MYB: variants seen among roughly 807,000 people sequenced by gnomAD.
The protein encoded by MYB is transcriptional activator Myb.
A neutral mutation model predicts 92.9 loss-of-function variants in MYB; 28 were observed. The observed-to-expected ratio is 0.30, with a 90% CI of 0.22 to 0.41. The LOEUF (loss-of-function observed/expected upper bound fraction) is 0.41. Ranked by LOEUF, MYB falls within the 10% of genes least tolerant of loss-of-function variation. The probability of loss-of-function intolerance (pLI) is 1.00; values close to 1 mark genes in which losing one functional copy is unlikely to be tolerated. For synonymous variants in MYB, 295 were observed against 329.1 expected, an observed-to-expected ratio of 0.90 and a Z score of 1.12; for missense variants, 679 against 929.3, an observed-to-expected ratio of 0.73 and a Z score of 3.50.
chr6:135,208,940 A>G (rs573235634), intron 15 of MYB, among the ~76,000 whole-genome samples: 68 of 152,338 alleles, frequency 4.5e-4, no homozygotes, highest in African/African-American at 1.6e-3. Context: ...AGTGCTGTCT[A>G]ATAGAACTTC....
Position 135,219,012 on chromosome 6 carries a change from C to A in MYB, c.*1032C>A, listed in dbSNP as rs1178303207. On this transcript the variant is annotated 3_prime_UTR_variant, in exon 16 of 16. Transcript: ENST00000341911. The stretch of plus-strand genomic sequence containing the variant: ...TAAGTGTATGGTCTCAGAACTGTTG[C>A]ATGGATCCTGTGTTTGCAACTGGGG... The A allele has an allele frequency of 4.5e-6, 1 of 224,670 alleles. No individual in the cohort carries two copies. The highest frequency in any genetic ancestry group is 8.9e-6 in the Non-Finnish European group (1 of 112,360). 13.9% of individuals were successfully genotyped at this position (224,670 alleles called of 1,614,324 possible). A position where few individuals can be genotyped will look rare whatever the true frequency, so the allele number is the denominator to read the frequency against.
chr6:135,198,063 G>T (rs1777572722), intron 10 of MYB, among the ~76,000 whole-genome samples: 4 of 152,042 alleles, frequency 2.6e-5, no homozygotes. Context: ...TTTTCCAATT[G>T]TATCTGTTGA....
intron 5 of MYB, among the ~76,000 whole-genome samples, chr6:135,192,081 G>A (rs1776705867): frequency 6.6e-6 from 1 of 152,198 alleles, no homozygotes; most frequent in Non-Finnish European, 1.5e-5. Context: ...AAATGGAATG[G>A]TTAAAAGATA....
intron 15 of MYB, among the ~76,000 whole-genome samples, chr6:135,215,247 A>G (rs1562402245): frequency 6.6e-6 from 1 of 152,188 alleles, no homozygotes; most frequent in Non-Finnish European, 1.5e-5. Flanking sequence ...TAGTAGAATT[A>G]TGTTTCTTTG....
In MYB at chr6:135,181,529, C is replaced by T; in HGVS notation, c.16C>T (p.Arg6Trp). The change falls in exon 1 of 16, where the codon CGG (arginine) becomes TGG (tryptophan). Residue 6 changes from arginine (R) to tryptophan (W), a missense_variant. Physicochemically the swap from Arg to Trp is moderately radical, Grantham distance 101 (BLOSUM62 -3). Around this residue, in one of 8 missense-constraint regions of MYB, gnomAD observed 88 missense variants for 145.6 expected, o/e 0.60. Coordinates refer to ENST00000341911, the MANE Select transcript of MYB (RefSeq NM_001130173.2). This position sits in a 1 kb window ranked among gnomAD's most constrained non-coding sequence, Gnocchi z 5.3. MARRP[R>W]HSIYSSDEDD... ...CCGCCGCGCCATGGCCCGAAGACCC[C>T]GGCACAGGTAACGGGGAGCCGGGCG... 8.6e-7 allele frequency: 1 copy of T among 1,163,666 alleles called. No individual in the cohort carries two copies. Among genetic ancestry groups the T allele is most frequent in the Non-Finnish European group, 1.1e-6 (1 of 944,270 alleles). The allele number at this position is 1,163,666 out of a possible 1,614,324, so 72.1% of individuals were successfully genotyped here. A position where few individuals can be genotyped will look rare whatever the true frequency, so the allele number is the denominator to read the frequency against.
intron 6 of MYB, 116 bp from the exon 7 acceptor site, chr6:135,193,722 T>C (rs1776923537): frequency 1.5e-6 from 1 of 645,514 alleles, no homozygotes; most frequent in Non-Finnish European, 2.7e-6. Flanking sequence ...TTAGTGTATT[T>C]TATCAGTAAA....
chr6:135,202,227 T>A (rs1186516292), intron 14 of MYB, among the ~76,000 whole-genome samples: 1 of 152,238 alleles, frequency 6.6e-6, no homozygotes, highest in African/African-American at 2.4e-5. Flanking sequence ...GTTGTCCTTA[T>A]GTCTTAAGGA....
chr6:135,201,704 G>C lies in MYB; in HGVS notation c.2016G>C (p.Leu672=). 1 of 1,580,118 alleles carries C rather than the reference G, an allele frequency of 6.3e-7. No homozygotes were observed. The change falls in exon 14 of 16, where the codon CTG becomes CTC. Residue 672 remains leucine (L), a synonymous_variant. Transcript: ENST00000341911. ...CACACCACTGGGAAGGGGACAGTCT[G>C]AATACCCAACTGTTCACGCAGACCT... The part of the protein sequence containing the change: ...FCSHHWEGDS[L]NTQLFTQTSP...
At chr6:135,195,289 T>G (rs1185955531) in intron 8 of MYB, 1 of 312,594 alleles carries the variant, frequency 3.2e-6, no homozygotes, top group Non-Finnish European at 6.1e-6. Context: ...GTGCAATCTG[T>G]AGCATTAGAA....
chr6:135,204,412 C>G (rs1187155630), intron 15 of MYB, among the ~76,000 whole-genome samples: 1 of 152,106 alleles, frequency 6.6e-6, no homozygotes, highest in Non-Finnish European at 1.5e-5. Flanking sequence ...GATTCTTATG[C>G]CTCAGCCTCC....
chr6:135,192,629 T>G, intron 6 of MYB, 71 bp downstream of exon 6: 2 of 1,435,218 alleles, frequency 1.4e-6, no homozygotes, highest in Non-Finnish European at 2.0e-6. Context: ...AATCATACTT[T>G]GCAGTTGTAT....
Position 135,200,169 on chromosome 6 carries a change from A to G in MYB, c.1794A>G (p.Gln598=), listed in dbSNP as rs760694471. Residue 598 remains glutamine (Q), a synonymous_variant, in exon 12 of 16, where the codon CAA becomes CAG. Transcript: ENST00000341911. ...CATTCAAACATGCACTTGCAGCTCA[A>G]GAAATTAAATACGGTCCCCTGAAGA... ...PTPFKHALAA[Q]EIKYGPLKML... The G allele has an allele frequency of 3.7e-6, 6 of 1,614,114 alleles. No individual in the cohort carries two copies. Among genetic ancestry groups the G allele is most frequent in the Non-Finnish European group, 5.1e-6 (6 of 1,180,046 alleles).
intron 5 of MYB, among the ~76,000 whole-genome samples, chr6:135,191,007 C>T (rs1776554493): frequency 6.6e-6 from 1 of 152,150 alleles, no homozygotes; most frequent in South Asian, 2.1e-4. Context: ...CTATGTTACC[C>T]AGGCTGGTAT....
At position 135,218,884 on chromosome 6, in the gene MYB, T is replaced by A. The variant is rs1351014737; in HGVS notation, c.*904T>A. 1 of 229,080 alleles carries A rather than the reference T, an allele frequency of 4.4e-6. No individual in the cohort carries two copies. Among genetic ancestry groups the A allele is most frequent in the Admixed American group, 5.7e-5 (1 of 17,614 alleles). 14.2% of individuals were successfully genotyped at this position (229,080 alleles called of 1,614,324 possible). On this transcript the variant is annotated 3_prime_UTR_variant, in exon 16 of 16. Coordinates refer to ENST00000341911, the MANE Select transcript of MYB (RefSeq NM_001130173.2). ...TACAAGCATGCGTTGCACTTCTTTT[T>A]TGGGAGATGTGTGTTGTTGATGTTC...
intron 8 of MYB, chr6:135,194,876 T>C (rs1234752704): frequency 8.7e-7 from 1 of 1,150,900 alleles, no homozygotes; most frequent in Non-Finnish European, 1.1e-6. Flanking sequence ...TTGATGCATG[T>C]TCAGTATATA....
intron 8 of MYB, chr6:135,194,961 TATGTGGGCCA>T (rs1777106814): frequency 7.5e-7 from 1 of 1,334,498 alleles, no homozygotes; most frequent in Non-Finnish European, 9.9e-7. Context: ...GTGTGAAAGT[TATGTGGGCCA>T]TTACTGAATT....
intron 6 of MYB, among the ~76,000 whole-genome samples, chr6:135,192,763 C>T (rs1362169456): frequency 6.6e-6 from 1 of 152,076 alleles, no homozygotes; most frequent in Admixed American, 6.6e-5. Context: ...GGATGGTAAG[C>T]GCTTTGCCCA....
chr6:135,202,825 CA>C, intron 14 of MYB: 1 of 418,980 alleles, frequency 2.4e-6, no homozygotes, highest in Admixed American at 2.9e-5. Flanking sequence ...CATTTTTTGC[CA>C]ATAATTTATA....
rs967566653 is a variant in MYB, at chr6:135,203,101, T to G, written c.2062-116T>G. ...GGAGAATTTCTGGCAGATGACTGCA[T>G]TTTTTTATGCTAATGTGTATCATCT... On this transcript the variant is annotated intron_variant, in intron 14 of 15. Transcript: ENST00000341911. 3 of 797,568 alleles carry G rather than the reference T, an allele frequency of 3.8e-6. No homozygotes were observed. In the South Asian group the frequency reaches 4.6e-5, roughly 12 times the overall value. The allele number at this position is 797,568 out of a possible 1,614,324, so 49.4% of individuals were successfully genotyped here. A position where few individuals can be genotyped will look rare whatever the true frequency, so the allele number is the denominator to read the frequency against.
Sources: allele counts gnomAD v4.1 joint callset (sites outside exome capture counted in the v4.1 genomes callset), GRCh38; gene constraint gnomAD v4.1.1; regional missense constraint gnomAD v4.1.1; non-coding constraint Gnocchi (gnomAD v3.1); transcripts MANE v1.5; gene names NCBI Gene and HGNC (gene_info 2026-07-23, HGNC 2026-07-21).